Variants in CAMTA1 observed in about 807,000 individuals in gnomAD.
CAMTA1 encodes calmodulin-binding transcription activator 1.
CAMTA1 carries 27 observed loss-of-function variants against 170.9 expected under a neutral mutation model. That is an observed-to-expected ratio of 0.16 (90% CI 0.12 to 0.22). The LOEUF is 0.22. Ranked by LOEUF, CAMTA1 falls within the 10% of genes least tolerant of loss-of-function variation. CAMTA1 has a pLI of 1.00. For synonymous variants in CAMTA1, 833 were observed against 891.5 expected (o/e 0.93, Z 1.17); for missense variants, 1,619 against 2,217.2 (o/e 0.73, Z 5.42).
rs982363375 is a variant in CAMTA1, at chr1:7,561,979, A to C, written c.511-78421A>C. 6.6e-6 allele frequency among the ~76,000 whole-genome samples: 1 copy of C among 152,162 alleles called. No individual in the cohort carries two copies. The highest frequency in any genetic ancestry group is 1.5e-5 in the Non-Finnish European group (1 of 68,010). ...GTCCTGTGTTCCAGGTCAGAAGAGC[A>C]AACGCAGTCTCCAGAGAGATCATGA... is the stretch of plus-strand genomic sequence containing the variant. On this transcript the variant is annotated intron_variant, in intron 6 of 22. Transcript: ENST00000303635. This position sits in a 1 kb window ranked among gnomAD's most constrained non-coding sequence, Gnocchi z 5.3.
intron 3 of CAMTA1, among the ~76,000 whole-genome samples, chr1:6,948,187 G>T (rs919188308): frequency 6.6e-6 from 1 of 152,212 alleles, no homozygotes; most frequent in Admixed American, 6.5e-5. Flanking sequence ...GTGTGTTACA[G>T]CCGAAGAGCT....
chr1:7,297,484 T>G (rs1674130725), intron 5 of CAMTA1, among the ~76,000 whole-genome samples: 1 of 152,242 alleles, frequency 6.6e-6, no homozygotes, highest in Admixed American at 6.5e-5. Flanking sequence ...TTCAAAGCTC[T>G]GCCAGCTCTG....
intron 7 of CAMTA1, among the ~76,000 whole-genome samples, chr1:7,658,499 G>A (rs1266339800): frequency 6.6e-6 from 1 of 152,180 alleles, no homozygotes; most frequent in Non-Finnish European, 1.5e-5. Flanking sequence ...ACCCACAGCT[G>A]GAACAGACCA....
chr1:6,985,127 C>T (rs1028700948), intron 3 of CAMTA1, among the ~76,000 whole-genome samples: 5 of 152,230 alleles, frequency 3.3e-5, no homozygotes, highest in East Asian at 3.8e-4. Context: ...GCTACAAGCC[C>T]GGGAAACCTG....
At chr1:7,346,685 G>A (rs2084247232) in intron 5 of CAMTA1, among the ~76,000 whole-genome samples, 1 of 152,160 alleles carries the variant, frequency 6.6e-6, no homozygotes, top group African/African-American at 2.4e-5. Context: ...CTTAATCTAA[G>A]GGGACTGTCA....
At chr1:7,349,553 G>A (rs1199822152) in intron 5 of CAMTA1, among the ~76,000 whole-genome samples, 1 of 152,212 alleles carries the variant, frequency 6.6e-6, no homozygotes, top group African/African-American at 2.4e-5. Context: ...TGATTTTCTT[G>A]CAGTCCTGGA....
chr1:6,979,084 G>T (rs1008239343), intron 3 of CAMTA1, among the ~76,000 whole-genome samples: 1 of 152,218 alleles, frequency 6.6e-6, no homozygotes, highest in Non-Finnish European at 1.5e-5. Flanking sequence ...TGAGTTGTTG[G>T]TGTGGCTGGA....
intron 5 of CAMTA1, among the ~76,000 whole-genome samples, chr1:7,461,660 G>T (rs1280210243): frequency 3.3e-5 from 5 of 152,216 alleles, no homozygotes; most frequent in Non-Finnish European, 4.4e-5. Context: ...AGAATGGGAG[G>T]TCAACAGCAA....
At chr1:6,905,485 A>G (rs910407736) in intron 3 of CAMTA1, among the ~76,000 whole-genome samples, 3 of 151,970 alleles carry the variant, frequency 2.0e-5, no homozygotes, top group African/African-American at 7.2e-5. Context: ...GCGAGCCACT[A>G]TGCCCGGCCT....
At position 7,010,853 on chromosome 1, in the gene CAMTA1, T is replaced by C. The variant is rs541427270; in HGVS notation, c.235-80451T>C. On this transcript the variant is annotated intron_variant, in intron 3 of 22. Transcript: ENST00000303635. The surrounding 1 kb of genome is among the most constrained non-coding windows in gnomAD (Gnocchi z 4.4). ...GAACCCTCTGGAGTGGAGCAAGCGA[T>C]GGGAAATGCTCTTATCAGGCACCTG... Among the ~76,000 whole-genome samples the C allele has an allele frequency of 3.3e-5, 5 of 152,256 alleles. No homozygotes were observed. Among genetic ancestry groups the C allele is most frequent in the African/African-American group, 1.2e-4 (5 of 41,558 alleles).
intron 11 of CAMTA1, among the ~76,000 whole-genome samples, chr1:7,720,835 G>A (rs932016704): frequency 6.6e-6 from 1 of 152,184 alleles, no homozygotes; most frequent in Non-Finnish European, 1.5e-5. Context: ...TGAGCTTAAA[G>A]CAGATGGCAG....
At chr1:7,051,334 C>T (rs914992968) in intron 3 of CAMTA1, among the ~76,000 whole-genome samples, 3 of 152,160 alleles carry the variant, frequency 2.0e-5, no homozygotes, top group African/African-American at 4.8e-5. Flanking sequence ...ACACAGTGAC[C>T]GTTCAGCCCC....
At chr1:7,709,504 G>A (rs1275366872) in intron 11 of CAMTA1, among the ~76,000 whole-genome samples, 1 of 152,246 alleles carries the variant, frequency 6.6e-6, no homozygotes, top group East Asian at 1.9e-4. Flanking sequence ...ATCAATCTAT[G>A]TGGATGTGAA....
At chr1:7,136,568 C>A (rs1472729897) in intron 4 of CAMTA1, among the ~76,000 whole-genome samples, 2 of 152,078 alleles carry the variant, frequency 1.3e-5, no homozygotes, top group East Asian at 1.9e-4. Flanking sequence ...TGTCTCTCTC[C>A]TTCTGTCTGC....
intron 12 of CAMTA1, among the ~76,000 whole-genome samples, chr1:7,733,918 C>T (rs1051789414): frequency 1.1e-4 from 16 of 152,120 alleles, no homozygotes; most frequent in African/African-American, 3.6e-4. Context: ...CAACTTGGCA[C>T]GCAGTAGAAT....
intron 6 of CAMTA1, among the ~76,000 whole-genome samples, chr1:7,573,594 C>T (rs780809509): frequency 1.3e-5 from 2 of 152,216 alleles, no homozygotes; most frequent in Admixed American, 6.5e-5. Context: ...GCCCGGCCTC[C>T]CCGCCTCCGC....
At chr1:7,706,942 A>C (rs750452377) in intron 11 of CAMTA1, among the ~76,000 whole-genome samples, 1 of 141,094 alleles carries the variant, frequency 7.1e-6, no homozygotes, top group Non-Finnish European at 1.5e-5. Flanking sequence ...GCTGGAGTGC[A>C]GTGGCATGAT....
Position 7,748,922 on chromosome 1 carries a change from T to C in CAMTA1, c.4689+1141T>C, listed in dbSNP as rs2096876306. On this transcript the variant is annotated intron_variant, in intron 19 of 22. Coordinates refer to ENST00000303635, the MANE Select transcript of CAMTA1 (RefSeq NM_015215.4). The surrounding 1 kb of genome is among the most constrained non-coding windows in gnomAD (Gnocchi z 4.7). ...GCTAGTATGCACTAGATTTTTTAGG[T>C]GCCCCATCTCATTTCCTTTTTACAA... Among the ~76,000 whole-genome samples, 2 of 152,188 alleles carry C rather than the reference T, an allele frequency of 1.3e-5. No homozygotes were observed. The highest frequency in any genetic ancestry group is 1.3e-4 in the Admixed American group (2 of 15,276).
rs578253469 is a variant in CAMTA1 at position 7,713,686 on chromosome 1, C to T, written c.2915-18762C>T. Among the ~76,000 whole-genome samples, 8 of 152,304 alleles carry T rather than the reference C, an allele frequency of 5.3e-5. 1 individual carries two copies. The South Asian group carries it at 1.7e-3, about 32-fold the overall frequency. On this transcript the variant is annotated intron_variant, in intron 11 of 22. Coordinates refer to ENST00000303635, the MANE Select transcript of CAMTA1 (RefSeq NM_015215.4). ...CCTAGGAAATGCTTCAGCAGATAGA[C>T]CATCCTCACAAAATAGTTCTGAGGC...
Sources: allele counts gnomAD v4.1 joint callset (sites outside exome capture counted in the v4.1 genomes callset), GRCh38; gene constraint gnomAD v4.1.1; non-coding constraint Gnocchi (gnomAD v3.1); transcripts MANE v1.5; gene names NCBI Gene and HGNC (gene_info 2026-07-23, HGNC 2026-07-21).